Variants in MFHAS1 observed in about 807,000 individuals in gnomAD.
MFHAS1 encodes malignant fibrous histiocytoma-amplified sequence 1.
MFHAS1 carries 50 observed loss-of-function variants against 70.4 expected under a neutral mutation model. That is an observed-to-expected ratio of 0.71 (90% CI 0.57 to 0.90). The LOEUF (loss-of-function observed/expected upper bound fraction) is 0.90. Among genes scored for constraint, MFHAS1 ranks in the 40% least tolerant of loss-of-function variants. The pLI is 0.00. For missense variants in MFHAS1, 1,795 were observed against 1,347.6 expected (o/e 1.33, Z -5.20); for synonymous variants, 952 against 620.0 (o/e 1.54, Z -7.96).
intron 1 of MFHAS1, among the ~76,000 whole-genome samples, chr8:8,806,548 C>CTGT (rs1451238715): frequency 6.6e-6 from 1 of 152,222 alleles, no homozygotes; most frequent in Admixed American, 6.5e-5. Context: ...TTTAAACTTA[C>CTGT]TGTTCTCAGC....
chr8:8,860,914 A>G lies in MFHAS1; in HGVS notation c.2998+29147T>C, dbSNP rs942624617. Reference sequence around the variant, plus strand: ...GTATACATACGTATACAAACCCACAACCACTTATTTCATCACTATGAAAGC... The same window carrying G: ...GTATACATACGTATACAAACCCACAGCCACTTATTTCATCACTATGAAAGC... On this transcript the variant is annotated intron_variant, in intron 1 of 2. Transcript: ENST00000276282. Among the ~76,000 whole-genome samples, 31 of 152,182 alleles carry G rather than the reference A, an allele frequency of 2.0e-4. 1 individual carries two copies. Among genetic ancestry groups the G allele is most frequent in the Admixed American group, 2.0e-3 (31 of 15,270 alleles).
At chr8:8,863,776 T>A (rs1416863314) in intron 1 of MFHAS1, among the ~76,000 whole-genome samples, 1 of 152,202 alleles carries the variant, frequency 6.6e-6, no homozygotes, top group Non-Finnish European at 1.5e-5. Context: ...AATCTATTAA[T>A]ATGCAGTTTC....
chr8:8,892,929 CGGCCCCGGGGCA>C lies in MFHAS1; in HGVS notation c.118_129del (p.Cys40_Ala43del), dbSNP rs566247640. The stretch of plus-strand genomic sequence containing the variant: ...GCGGGGGACTCGAGCGCGTCGGCCC[CGGCCCCGGGGCA>C]GGCCCCGGCGGCGGTAAGCGTGAGC... On this transcript the variant is annotated inframe_deletion, in exon 1 of 3. Coordinates refer to ENST00000276282, the MANE Select transcript of MFHAS1 (RefSeq NM_004225.3). The surrounding 1 kb of genome is among the most constrained non-coding windows in gnomAD (Gnocchi z 4.7). The C allele has an allele frequency of 1.7e-4, 271 of 1,551,356 alleles. No individual in the cohort carries two copies. In the East Asian group the frequency reaches 6.1e-3, roughly 35 times the overall value.
At chr8:8,837,760 A>T (rs938766089) in intron 1 of MFHAS1, among the ~76,000 whole-genome samples, 3 of 152,180 alleles carry the variant, frequency 2.0e-5, no homozygotes, top group Admixed American at 2.0e-4. Flanking sequence ...TACTATTAAA[A>T]AAATAAATAA....
chr8:8,839,416 A>G (rs1807721211), intron 1 of MFHAS1, among the ~76,000 whole-genome samples: 1 of 152,224 alleles, frequency 6.6e-6, no homozygotes, highest in Non-Finnish European at 1.5e-5. Context: ...TTAAAGAGCC[A>G]GACTATCCTT....
intron 1 of MFHAS1, among the ~76,000 whole-genome samples, chr8:8,856,573 A>T (rs1455788710): frequency 1.3e-5 from 2 of 152,212 alleles, no homozygotes; most frequent in Non-Finnish European, 2.9e-5. Flanking sequence ...CCAAGACAAT[A>T]ATTCAAAGAC....
At chr8:8,868,260 T>C (rs1267969653) in intron 1 of MFHAS1, among the ~76,000 whole-genome samples, 1 of 151,864 alleles carries the variant, frequency 6.6e-6, no homozygotes, top group African/African-American at 2.4e-5. Flanking sequence ...ATGTAAACTC[T>C]AGATGTTATC....
chr8:8,851,157 C>A (rs1175534177), intron 1 of MFHAS1, among the ~76,000 whole-genome samples: 1 of 152,176 alleles, frequency 6.6e-6, no homozygotes, highest in South Asian at 2.1e-4. Flanking sequence ...TTTTCCTAAC[C>A]CTTGGTGGTT....
chr8:8,796,602 C>A (rs1410797755), intron 2 of MFHAS1, among the ~76,000 whole-genome samples: 2 of 135,028 alleles, frequency 1.5e-5, no homozygotes, highest in African/African-American at 2.8e-5. Flanking sequence ...GAGAATGGCC[C>A]GAACCCGGAA....
chr8:8,826,701 C>T (rs143717953), intron 1 of MFHAS1, among the ~76,000 whole-genome samples: 2,128 of 152,304 alleles, frequency 0.014, 39 homozygotes, highest in African/African-American at 0.048. Context: ...CCACTGCACT[C>T]CAGCCTGGGT....
intron 1 of MFHAS1, among the ~76,000 whole-genome samples, chr8:8,834,393 C>A (rs1464691543): frequency 6.6e-6 from 1 of 152,240 alleles, no homozygotes; most frequent in African/African-American, 2.4e-5. Flanking sequence ...TACTCATTCA[C>A]TGACTCACCC....
chr8:8,839,733 A>G (rs974493675), intron 1 of MFHAS1, among the ~76,000 whole-genome samples: 2 of 152,240 alleles, frequency 1.3e-5, no homozygotes, highest in African/African-American at 2.4e-5. Flanking sequence ...TTGATTACAT[A>G]TATCAATGAA....
At chr8:8,799,727 A>G (rs927732207) in intron 1 of MFHAS1, among the ~76,000 whole-genome samples, 8 of 152,186 alleles carry the variant, frequency 5.3e-5, no homozygotes, top group African/African-American at 1.9e-4. Flanking sequence ...CTGCACTCCA[A>G]CCCGGGCGAC....
At chr8:8,806,946 G>A (rs112127583) in intron 1 of MFHAS1, among the ~76,000 whole-genome samples, 3 of 151,676 alleles carry the variant, frequency 2.0e-5, no homozygotes, top group Non-Finnish European at 2.9e-5. Context: ...TGGGGACACA[G>A]CCAGACTCTG....
chr8:8,850,811 CAAAAA>C (rs149181304), intron 1 of MFHAS1, among the ~76,000 whole-genome samples: 1 of 105,510 alleles, frequency 9.5e-6, no homozygotes. Context: ...AACTCCGTCT[CAAAAA>C]AAAAAAAAAA....
chr8:8,880,424 G>T (rs537352719), intron 1 of MFHAS1, among the ~76,000 whole-genome samples: 1 of 152,158 alleles, frequency 6.6e-6, no homozygotes, highest in Admixed American at 6.6e-5. Flanking sequence ...TCAATAGGAG[G>T]AAGAGGAGGA....
intron 1 of MFHAS1, among the ~76,000 whole-genome samples, chr8:8,813,807 T>G (rs1806637466): frequency 1.3e-5 from 2 of 152,136 alleles, no homozygotes; most frequent in Admixed American, 1.3e-4. Context: ...AAATGTACAG[T>G]GTTGAAGTCT....
intron 1 of MFHAS1, among the ~76,000 whole-genome samples, chr8:8,888,047 C>T (rs970327988): frequency 2.6e-5 from 4 of 152,186 alleles, no homozygotes; most frequent in African/African-American, 9.7e-5. Flanking sequence ...AACTCCCAGT[C>T]ACTTTATTCC....
At chr8:8,864,504 T>A (rs1028116581) in intron 1 of MFHAS1, among the ~76,000 whole-genome samples, 6 of 152,256 alleles carry the variant, frequency 3.9e-5, no homozygotes, top group African/African-American at 1.4e-4. Context: ...TATGTTAACC[T>A]TGATGTGTTT....
Sources: gnomAD v4.1 joint callset for allele counts (sites outside exome capture counted in the v4.1 genomes callset) on GRCh38, gnomAD v4.1.1 for gene constraint, Gnocchi (gnomAD v3.1) non-coding constraint, MANE v1.5 for transcripts, NCBI Gene and HGNC (gene_info 2026-07-23, HGNC 2026-07-21) for gene names.